The following SLC17A8 variants were observed in gnomAD, a reference collection of about 807,000 sequenced individuals.
SLC17A8 encodes the protein solute carrier family 17 member 8.
A neutral mutation model predicts 58.0 loss-of-function variants in SLC17A8; 31 were observed. That is an observed-to-expected ratio of 0.53 (90% CI 0.40 to 0.72). SLC17A8 has a LOEUF of 0.72. Among genes scored for constraint, SLC17A8 ranks in the 30% least tolerant of loss-of-function variants. The pLI is 0.00. For missense variants in SLC17A8, 655 were observed against 727.8 expected (o/e 0.90, Z 1.15); for synonymous variants, 228 against 249.0 (o/e 0.92, Z 0.79).
At chr12:100,381,825 T>C (rs1044783982) in intron 2 of SLC17A8, among the ~76,000 whole-genome samples, 1 of 152,196 alleles carries the variant, frequency 6.6e-6, no homozygotes, top group Admixed American at 6.5e-5. Flanking sequence ...TAGTAGTACA[T>C]CAGTGACAAA....
intron 10 of SLC17A8, 119 bp from the exon 11 acceptor site, chr12:100,417,910 T>C (rs1283160274): frequency 8.0e-7 from 1 of 1,252,052 alleles, no homozygotes; most frequent in Non-Finnish European, 1.2e-6. Context: ...GTCTGGAAAC[T>C]AGTCATATAC....
rs117101442 is a variant in SLC17A8 at position 100,381,945 on chromosome 12, G to C, written c.354+992G>C. 6.3e-3 allele frequency among the ~76,000 whole-genome samples: 954 copies of C among 152,324 alleles called. 11 individuals carry two copies. Among genetic ancestry groups the C allele is most frequent in the Middle Eastern group, 0.024 (7 of 294 alleles). The stretch of plus-strand genomic sequence containing the variant: ...ATTTGAACATATTTGCTATTTCCAC[G>C]TGGGACACAGTCATAGGTACTAGTC... On this transcript the variant is annotated intron_variant, in intron 2 of 11. Transcript: ENST00000323346.
intron 9 of SLC17A8, among the ~76,000 whole-genome samples, chr12:100,407,480 T>A (rs1952834224): frequency 6.6e-6 from 1 of 152,046 alleles, no homozygotes; most frequent in Non-Finnish European, 1.5e-5. Flanking sequence ...GAGGAAATAG[T>A]TTTTTTTCTG....
intron 1 of SLC17A8, among the ~76,000 whole-genome samples, chr12:100,373,136 T>G (rs1443775725): frequency 6.6e-6 from 1 of 152,090 alleles, no homozygotes; most frequent in Non-Finnish European, 1.5e-5. Context: ...GGGCCAGCAG[T>G]CTGCAGACCG....
intron 1 of SLC17A8, among the ~76,000 whole-genome samples, chr12:100,365,632 A>G (rs61940555): frequency 6.6e-6 from 1 of 152,150 alleles, no homozygotes; most frequent in Non-Finnish European, 1.5e-5. Context: ...TTCAAAGCAC[A>G]ATAACTTTTC....
In SLC17A8 at chr12:100,420,293, A is replaced by T; in HGVS notation, c.*134A>T. 2.9e-6 allele frequency: 2 copies of T among 688,738 alleles called. No homozygotes were observed. The highest frequency in any genetic ancestry group is 5.1e-6 in the Non-Finnish European group (2 of 395,990). 42.7% of individuals were successfully genotyped at this position (688,738 alleles called of 1,614,324 possible). On this transcript the variant is annotated 3_prime_UTR_variant, in exon 12 of 12. Coordinates refer to ENST00000323346, the MANE Select transcript of SLC17A8 (RefSeq NM_139319.3). ...GAAGATCTAACCAGCAACAGGGAAAAGAGAAATATTATCTTTCAATGACAT... is the reference window on the plus strand; with the variant it reads ...GAAGATCTAACCAGCAACAGGGAAATGAGAAATATTATCTTTCAATGACAT...
At position 100,357,266 on chromosome 12, in the gene SLC17A8, C is replaced by T; in HGVS notation, c.-126C>T. ...ATCTCCTTTTTGATTTTGAGTAGTT[C>T]CCTCCACGAGAACTGACTTCCAGGT... is the stretch of plus-strand genomic sequence containing the variant. On this transcript the variant is annotated 5_prime_UTR_variant, in exon 1 of 12. Transcript: ENST00000323346. 1 of 750,298 alleles carries T rather than the reference C, an allele frequency of 1.3e-6. No individual in the cohort carries two copies. The highest frequency in any genetic ancestry group is 1.8e-5 in the Admixed American group (1 of 55,830). 46.5% of individuals were successfully genotyped at this position (750,298 alleles called of 1,614,324 possible). A position where few individuals can be genotyped will look rare whatever the true frequency, so the allele number is the denominator to read the frequency against.
chr12:100,372,344 C>T (rs992935998), intron 1 of SLC17A8, among the ~76,000 whole-genome samples: 5 of 152,054 alleles, frequency 3.3e-5, no homozygotes, highest in African/African-American at 1.2e-4. Flanking sequence ...GTCCAAGTCT[C>T]TTTTTATTTA....
At chr12:100,412,628 T>A in intron 9 of SLC17A8, 142 bp from the exon 10 acceptor site, 1 of 644,444 alleles carries the variant, frequency 1.6e-6, no homozygotes, top group East Asian at 2.9e-5. Flanking sequence ...TTCCAGAACT[T>A]AAAGTAAAAA....
At chr12:100,398,582 G>T (rs1012398740) in intron 5 of SLC17A8, among the ~76,000 whole-genome samples, 1 of 152,340 alleles carries the variant, frequency 6.6e-6, no homozygotes, top group Non-Finnish European at 1.5e-5. Flanking sequence ...CCCAGCTAAG[G>T]TGTGGCCTTG....
At chr12:100,408,236 A>G (rs1952840738) in intron 9 of SLC17A8, among the ~76,000 whole-genome samples, 2 of 152,204 alleles carry the variant, frequency 1.3e-5, no homozygotes, top group Non-Finnish European at 2.9e-5. Context: ...CATTAAAATC[A>G]TTTAAAGCAA....
chr12:100,412,161 A>G (rs1178093234), intron 9 of SLC17A8, among the ~76,000 whole-genome samples: 1 of 152,134 alleles, frequency 6.6e-6, no homozygotes, highest in Non-Finnish European at 1.5e-5. Flanking sequence ...TCTCAGGAGC[A>G]TCATTGGAAC....
intron 11 of SLC17A8, 129 bp downstream of exon 11, chr12:100,418,285 C>A: frequency 8.6e-7 from 1 of 1,165,234 alleles, no homozygotes; most frequent in Non-Finnish European, 1.3e-6. Context: ...GTCAGCTGAA[C>A]TTCTTTTTTT....
intron 2 of SLC17A8, among the ~76,000 whole-genome samples, chr12:100,389,624 C>T (rs2135993691): frequency 6.6e-6 from 1 of 150,872 alleles, no homozygotes; most frequent in African/African-American, 2.4e-5. Context: ...GAGAGAGACA[C>T]ACACATTAGA....
intron 5 of SLC17A8, among the ~76,000 whole-genome samples, chr12:100,398,964 G>A (rs1952771146): frequency 1.3e-5 from 2 of 152,100 alleles, no homozygotes; most frequent in Non-Finnish European, 2.9e-5. Context: ...ATGATTGTGA[G>A]GCCTCCCCCG....
intron 9 of SLC17A8, among the ~76,000 whole-genome samples, chr12:100,406,779 G>A (rs553479970): frequency 2.3e-4 from 35 of 152,050 alleles, no homozygotes; most frequent in African/African-American, 7.2e-4. Flanking sequence ...CAAGTAATCC[G>A]CCCGCCTCGG....
intron 1 of SLC17A8, among the ~76,000 whole-genome samples, chr12:100,365,407 A>T (rs562117850): frequency 1.3e-5 from 2 of 152,226 alleles, no homozygotes; most frequent in African/African-American, 4.8e-5. Context: ...TACCAAGGGT[A>T]TGCTGGAGAA....
Position 100,397,405 on chromosome 12 carries a change from G to A in SLC17A8, c.676+988G>A, listed in dbSNP as rs917298892. On this transcript the variant is annotated intron_variant, in intron 5 of 11. Coordinates refer to ENST00000323346, the MANE Select transcript of SLC17A8 (RefSeq NM_139319.3). ...GTCATTATATCCCAGATAATAAGAA[G>A]TAGAGACCATCCATCTTATCTGAAA... 2.0e-5 allele frequency among the ~76,000 whole-genome samples: 3 copies of A among 152,150 alleles called. No individual in the cohort carries two copies. The South Asian group carries it at 6.2e-4, about 32-fold the overall frequency.
Position 100,380,860 on chromosome 12 carries a change from C to T in SLC17A8, c.261C>T (p.Cys87=). ...IIAIMSGLGF[C]ISFGIRCNLG... ...CTATCATGAGTGGGCTGGGATTCTGCATTTCCTTTGGGATCCGGTGCAATC... is the reference window on the plus strand; with the variant it reads ...CTATCATGAGTGGGCTGGGATTCTGTATTTCCTTTGGGATCCGGTGCAATC... Residue 87 remains cysteine, a synonymous_variant, in exon 2 of 12, where the codon TGC becomes TGT. Transcript: ENST00000323346. 6.2e-7 allele frequency: 1 copy of T among 1,614,138 alleles called. No individual in the cohort carries two copies. Among genetic ancestry groups the T allele is most frequent in the Non-Finnish European group, 8.5e-7 (1 of 1,180,024 alleles).
Sources: gnomAD v4.1 joint callset for allele counts (sites outside exome capture counted in the v4.1 genomes callset) on GRCh38, gnomAD v4.1.1 for gene constraint, MANE v1.5 for transcripts, NCBI Gene and HGNC (gene_info 2026-07-23, HGNC 2026-07-21) for gene names.